The following UGT1A4 variants were observed in gnomAD, a reference collection of about 807,000 sequenced individuals.
UGT1A4 encodes the protein UDP-glucuronosyltransferase 1A4.
UGT1A4 carries 32 observed loss-of-function variants against 41.1 expected under a neutral mutation model. The observed-to-expected ratio is 0.78, with a 90% confidence interval of 0.59 to 1.05. The LOEUF is 1.05. UGT1A4 is among the 50% of genes least tolerant of loss of function. UGT1A4 has a pLI of 0.00. For synonymous variants in UGT1A4, 283 were observed against 265.1 expected (o/e 1.07, Z -0.66); for missense variants, 748 against 677.4 (o/e 1.10, Z -1.16).
intron 1 of UGT1A4, chr2:233,755,137 T>A: frequency 7.6e-7 from 1 of 1,310,376 alleles, no homozygotes; most frequent in Non-Finnish European, 1.0e-6. Context: ...TGCTTGAATC[T>A]TCTCACCGCT....
intron 1 of UGT1A4, among the ~76,000 whole-genome samples, chr2:233,745,360 T>C (rs1413277244): frequency 2.0e-5 from 3 of 151,920 alleles, no homozygotes; most frequent in African/African-American, 4.9e-5. Flanking sequence ...GGAATTTTTT[T>C]GAGATCTGAG....
chr2:233,734,192 C>T (rs7567468), intron 1 of UGT1A4, among the ~76,000 whole-genome samples: 44,730 of 151,966 alleles, frequency 0.29, 6,702 homozygotes, highest in South Asian at 0.39. Context: ...ATTATTGCCT[C>T]AATTTCAGAG....
At chr2:233,734,042 CA>C (rs1279505010) in intron 1 of UGT1A4, among the ~76,000 whole-genome samples, 9 of 152,058 alleles carry the variant, frequency 5.9e-5, no homozygotes, top group Non-Finnish European at 1.5e-5. Context: ...ACCAACATGG[CA>C]CATGTATACA....
At chr2:233,733,770 T>C (rs1256243948) in intron 1 of UGT1A4, among the ~76,000 whole-genome samples, 2 of 152,350 alleles carry the variant, frequency 1.3e-5, no homozygotes, top group East Asian at 3.9e-4. Context: ...AATTTTCTTT[T>C]TTTGTTGTGT....
intron 1 of UGT1A4, chr2:233,729,122 C>T (rs559883875): frequency 1.6e-5 from 26 of 1,613,092 alleles, no homozygotes; most frequent in Middle Eastern, 3.8e-4. Context: ...GTGTCTTCTG[C>T]TGAGATGGCC....
intron 1 of UGT1A4, among the ~76,000 whole-genome samples, chr2:233,746,725 G>A (rs1489490060): frequency 6.6e-6 from 1 of 151,774 alleles, no homozygotes; most frequent in Non-Finnish European, 1.5e-5. Flanking sequence ...AATTAGCAAT[G>A]GATTCTGCTT....
At chr2:233,753,258 G>C (rs935441896) in intron 1 of UGT1A4, 1 of 152,170 alleles carries the variant, frequency 6.6e-6, no homozygotes. Context: ...CAACTACCCA[G>C]GCACCTTGGA....
chr2:233,772,537 C>A lies in UGT1A4; in HGVS notation c.1583C>A (p.Ala528Asp). Residue 528 changes from alanine (A) to aspartate (D), a missense_variant, in exon 5 of 5, where the codon GCC becomes GAC. By Grantham distance (126) the Ala-to-Asp change is moderately radical (BLOSUM62 -2). Coordinates refer to ENST00000373409, the MANE Select transcript of UGT1A4 (RefSeq NM_007120.3). ...CLGKKGRVKK[A>D]HKSKTH ...GGGAAAAAAGGGCGAGTTAAGAAAG[C>A]CCACAAATCCAAGACCCATTGAGAA... 1.9e-6 allele frequency: 3 copies of A among 1,614,090 alleles called. No homozygotes were observed. Among genetic ancestry groups the A allele is most frequent in the Non-Finnish European group, 2.5e-6 (3 of 1,180,000 alleles).
At chr2:233,729,963 C>A in intron 1 of UGT1A4, 6 of 1,614,038 alleles carry the variant, frequency 3.7e-6, no homozygotes, top group Non-Finnish European at 5.1e-6. Context: ...TTGGGGGCAT[C>A]AACTGTGCCA....
chr2:233,729,158 G>A (rs771653845), intron 1 of UGT1A4: 35 of 1,613,348 alleles, frequency 2.2e-5, no homozygotes, highest in East Asian at 4.5e-5. Context: ...CCCCTGCCGT[G>A]GCTGGCCACA....
chr2:233,724,020 T>A (rs1486209215), intron 1 of UGT1A4, among the ~76,000 whole-genome samples: 1 of 67,562 alleles, frequency 1.5e-5, no homozygotes. Context: ...ATTGTCATCC[T>A]GGCCCGTTCT....
intron 1 of UGT1A4, among the ~76,000 whole-genome samples, chr2:233,762,041 G>A (rs938298957): frequency 3.3e-5 from 5 of 152,004 alleles, no homozygotes; most frequent in Non-Finnish European, 7.4e-5. Context: ...TTAATTTTCT[G>A]TGCATTTTCC....
At chr2:233,766,233 G>A (rs1441393259) in intron 1 of UGT1A4, among the ~76,000 whole-genome samples, 4 of 152,090 alleles carry the variant, frequency 2.6e-5, no homozygotes, top group African/African-American at 9.7e-5. Context: ...AATGGGAAGG[G>A]TTTCCCCTGG....
rs192958236 is a variant in UGT1A4 at position 233,736,101 on chromosome 2, G to A, written c.867+16414G>A. On this transcript the variant is annotated intron_variant, in intron 1 of 4. Transcript: ENST00000373409. ...GTTCTCCTGGATAATATCCTGAAGA[G>A]TGTTTTCCAACTTGTTTCCATTCTC... Among the ~76,000 whole-genome samples, 338 of 152,320 alleles carry A rather than the reference G, an allele frequency of 2.2e-3. 1 individual carries two copies. The highest frequency in any genetic ancestry group is 4.2e-3 in the Non-Finnish European group (288 of 68,040).
intron 1 of UGT1A4, among the ~76,000 whole-genome samples, 162 bp downstream of exon 1, chr2:233,719,849 T>C (rs1418135949): frequency 6.6e-6 from 1 of 152,222 alleles, no homozygotes; most frequent in Non-Finnish European, 1.5e-5. Context: ...ATTTCAAGTT[T>C]TCAGTGGTCA....
chr2:233,720,049 G>A (rs1278605052), intron 1 of UGT1A4, among the ~76,000 whole-genome samples: 10 of 152,182 alleles, frequency 6.6e-5, no homozygotes, highest in East Asian at 5.8e-4. Context: ...TCAGCTGAAC[G>A]GTGATGCAAC....
intron 1 of UGT1A4, among the ~76,000 whole-genome samples, chr2:233,749,222 T>C (rs1694145273): frequency 6.6e-6 from 1 of 151,946 alleles, no homozygotes; most frequent in Non-Finnish European, 1.5e-5. Context: ...CACTCTAAGC[T>C]TCATTTTTTA....
At chr2:233,745,498 TCC>T (rs1294393562) in intron 1 of UGT1A4, among the ~76,000 whole-genome samples, 2 of 151,620 alleles carry the variant, frequency 1.3e-5, no homozygotes, top group Non-Finnish European at 2.9e-5. Flanking sequence ...TTCTAAGATT[TCC>T]TATAGGGTAT....
intron 1 of UGT1A4, chr2:233,756,082 A>G (rs549873303): frequency 1.3e-5 from 2 of 152,358 alleles, no homozygotes; most frequent in African/African-American, 4.8e-5. Flanking sequence ...CAATGAGAAA[A>G]TCAAGTAACA....
Sources: gnomAD v4.1 joint callset for allele counts (sites outside exome capture counted in the v4.1 genomes callset) on GRCh38, gnomAD v4.1.1 for gene constraint, MANE v1.5 for transcripts, NCBI Gene and HGNC (gene_info 2026-07-23, HGNC 2026-07-21) for gene names.